Variants in ABCB5 observed in about 807,000 individuals in gnomAD.
The protein encoded by ABCB5 is ATP-binding cassette sub-family B member 5.
ABCB5 carries 155 observed loss-of-function variants against 144.2 expected under a neutral mutation model. That is an observed-to-expected ratio of 1.08 (90% CI 0.94 to 1.23). The LOEUF (loss-of-function observed/expected upper bound fraction) is 1.23. Ranked by LOEUF, ABCB5 falls within the 50% of genes most tolerant of loss-of-function variation. The probability of loss-of-function intolerance (pLI) is 0.00; values close to 1 mark genes in which losing one functional copy is unlikely to be tolerated. For missense variants in ABCB5, 1,830 were observed against 1,520.8 expected, an observed-to-expected ratio of 1.20 and a Z score of -3.38; for synonymous variants, 610 against 528.6, an observed-to-expected ratio of 1.15 and a Z score of -2.11.
At chr7:20,680,333 T>A (rs1310470510) in intron 14 of ABCB5, among the ~76,000 whole-genome samples, 1 of 151,818 alleles carries the variant, frequency 6.6e-6, no homozygotes. Context: ...CCGAGGCGGG[T>A]GCATCACAAG....
At chr7:20,647,766 G>C (rs745468873) in intron 10 of ABCB5, 118 bp downstream of exon 10, 2 of 1,442,460 alleles carry the variant, frequency 1.4e-6, no homozygotes, top group Admixed American at 2.6e-5. Context: ...TTGGCCAGTT[G>C]TTTATGGGAA....
intron 9 of ABCB5, 36 bp from the exon 10 acceptor site, chr7:20,647,499 G>T (rs757459013): frequency 1.6e-5 from 25 of 1,517,068 alleles, no homozygotes; most frequent in Non-Finnish European, 2.1e-5. Flanking sequence ...TTATATAACT[G>T]CAGAAAGATA....
chr7:20,708,838 A>C (rs544995732), intron 20 of ABCB5, among the ~76,000 whole-genome samples: 6 of 152,246 alleles, frequency 3.9e-5, no homozygotes, highest in Non-Finnish European at 8.8e-5. Context: ...AAATATTTTA[A>C]CCATCAGTTG....
At position 20,711,858 on chromosome 7, in the gene ABCB5, T is replaced by C. The variant is rs866156357; in HGVS notation, c.2421+7051T>C. Reference sequence around the variant, plus strand: ...TTTCTTTCTTTCTTTTCTTTCTTTCTTTCCTTCCTCCCTCCCTCCCTCCCT... The same window carrying C: ...TTTCTTTCTTTCTTTTCTTTCTTTCCTTCCTTCCTCCCTCCCTCCCTCCCT... On this transcript the variant is annotated intron_variant, in intron 20 of 27. Coordinates refer to ENST00000404938, the MANE Select transcript of ABCB5 (RefSeq NM_001163941.2). Among the ~76,000 whole-genome samples, 495 of 72,830 alleles carry C rather than the reference T, an allele frequency of 6.8e-3. 66 individuals are homozygous for C. Among genetic ancestry groups the C allele is most frequent in the Middle Eastern group, 0.019 (3 of 154 alleles). The allele number at this position is 72,830 out of a possible 152,430, so 47.8% of individuals were successfully genotyped here. A position where few individuals can be genotyped will look rare whatever the true frequency, so the allele number is the denominator to read the frequency against.
At chr7:20,647,871 T>C in intron 10 of ABCB5, 97 bp from the exon 11 acceptor site, 1 of 1,090,758 alleles carries the variant, frequency 9.2e-7, no homozygotes, top group Non-Finnish European at 1.3e-6. Context: ...GAAAGGAAAC[T>C]GTCATGGAAG....
At chr7:20,668,713 G>C (rs1277043283) in intron 14 of ABCB5, among the ~76,000 whole-genome samples, 2 of 144,382 alleles carry the variant, frequency 1.4e-5, no homozygotes, top group African/African-American at 5.3e-5. Flanking sequence ...CCCCGTCCAG[G>C]AGGGAGGTGG....
chr7:20,728,465 G>C lies in ABCB5; in HGVS notation c.2867+10G>C. 4.3e-6 allele frequency: 7 copies of C among 1,613,558 alleles called. No individual in the cohort carries two copies. Among genetic ancestry groups the C allele is most frequent in the Non-Finnish European group, 5.9e-6 (7 of 1,179,684 alleles). On this transcript the variant is annotated intron_variant, in intron 23 of 27. Transcript: ENST00000404938. ...CAGAGGGCATGTTCATGTAAGTCGTGGAAATAGTCCGGACCTGGTAGCTCA... is the reference window on the plus strand; with the variant it reads ...CAGAGGGCATGTTCATGTAAGTCGTCGAAATAGTCCGGACCTGGTAGCTCA...
chr7:20,748,650 CAAAAAAAAAAA>C (rs71020682), intron 26 of ABCB5, among the ~76,000 whole-genome samples: 6 of 59,076 alleles, frequency 1.0e-4, no homozygotes, highest in South Asian at 1.1e-3. Flanking sequence ...GACTCCATCT[CAAAAAAAAAAA>C]AAAAAAAAAA....
intron 4 of ABCB5, among the ~76,000 whole-genome samples, chr7:20,630,947 T>C (rs1784024367): frequency 6.6e-6 from 1 of 152,196 alleles, no homozygotes; most frequent in South Asian, 2.1e-4. Flanking sequence ...AATTCATGGA[T>C]ATTACTGGTA....
chr7:20,668,795 C>A (rs1421150084), intron 14 of ABCB5, among the ~76,000 whole-genome samples: 3 of 132,736 alleles, frequency 2.3e-5, no homozygotes, highest in Non-Finnish European at 4.8e-5. Context: ...GCCGCCCCTA[C>A]TGGGAAGTGA....
chr7:20,688,515 C>T (rs1027257470), intron 16 of ABCB5, among the ~76,000 whole-genome samples: 9 of 152,236 alleles, frequency 5.9e-5, no homozygotes, highest in Non-Finnish European at 7.4e-5. Flanking sequence ...TTTTACACTG[C>T]TGGTGGGACT....
Position 20,658,676 on chromosome 7 carries a change from G to A in ABCB5, c.1707G>A (p.Lys569=). Residue 569 remains lysine (K), a splice_region_variant and synonymous_variant, in exon 14 of 28, where the codon AAG becomes AAA. Coordinates refer to ENST00000404938, the MANE Select transcript of ABCB5 (RefSeq NM_001163941.2). ...CAGCTGTTCAAGCTGCACTGGAGAA[G>A]GTAAGTGAGCAGAAACGTTTCTTAT... ...SKSAVQAALE[K]ASKGRTTIVV... 1.2e-6 allele frequency: 2 copies of A among 1,613,290 alleles called. No homozygotes were observed. Among genetic ancestry groups the A allele is most frequent in the Middle Eastern group, 1.7e-4 (1 of 6,056 alleles).
Position 20,643,542 on chromosome 7 carries a change from G to A in ABCB5, c.588G>A (p.Leu196=). The part of the protein sequence containing the change: ...FQNMSTFSIG[L]AVGLVKGWKL... Reference sequence around the variant, plus strand: ...ACATGTCTACTTTTTCGATTGGCCTGGCAGTTGGTTTGGTGAAGGGCTGGA... The same window carrying A: ...ACATGTCTACTTTTTCGATTGGCCTAGCAGTTGGTTTGGTGAAGGGCTGGA... The change falls in exon 7 of 28, where the codon CTG becomes CTA. Residue 196 remains leucine, a synonymous_variant. Transcript: ENST00000404938. 5 of 1,613,976 alleles carry A rather than the reference G, an allele frequency of 3.1e-6. No homozygotes were observed. The highest frequency in any genetic ancestry group is 4.2e-6 in the Non-Finnish European group (5 of 1,179,874).
At chr7:20,631,199 A>C (rs977553380) in intron 4 of ABCB5, among the ~76,000 whole-genome samples, 1 of 152,156 alleles carries the variant, frequency 6.6e-6, no homozygotes, top group African/African-American at 2.4e-5. Flanking sequence ...TGCAGGAACC[A>C]TTTTTAGAAA....
At chr7:20,657,881 A>T (rs1784861644) in intron 13 of ABCB5, among the ~76,000 whole-genome samples, 1 of 152,224 alleles carries the variant, frequency 6.6e-6, no homozygotes, top group South Asian at 2.1e-4. Flanking sequence ...TGAATCAGGG[A>T]CGTAACCCAG....
intron 13 of ABCB5, among the ~76,000 whole-genome samples, chr7:20,652,363 T>C (rs1784624027): frequency 6.6e-6 from 1 of 152,036 alleles, no homozygotes; most frequent in Admixed American, 6.6e-5. Context: ...AGGTTAGGAG[T>C]TTGAGACCAG....
chr7:20,682,888 C>T (rs1448423115), intron 15 of ABCB5, among the ~76,000 whole-genome samples: 1 of 152,152 alleles, frequency 6.6e-6, no homozygotes, highest in Non-Finnish European at 1.5e-5. Context: ...TGGATCCACC[C>T]TACTGGATTT....
intron 26 of ABCB5, among the ~76,000 whole-genome samples, chr7:20,751,591 G>A (rs186320694): frequency 6.6e-6 from 1 of 152,296 alleles, no homozygotes; most frequent in African/African-American, 2.4e-5. Flanking sequence ...TCCTAGTTTT[G>A]TATGTTCTTC....
At position 20,755,465 on chromosome 7, in the gene ABCB5, G is replaced by A; in HGVS notation, c.3615G>A (p.Arg1205=). Residue 1205 remains arginine (R), a synonymous_variant, in exon 28 of 28, where the codon AGG becomes AGA. Transcript: ENST00000404938. Reference sequence around the variant, plus strand: ...CCCTTGATAAAGCCAGGACGGGAAGGACATGCCTAGTGGTCACTCACAGGC... The same window carrying A: ...CCCTTGATAAAGCCAGGACGGGAAGAACATGCCTAGTGGTCACTCACAGGC... ...QHALDKARTG[R]TCLVVTHRLS... 6.2e-7 allele frequency: 1 copy of A among 1,614,172 alleles called. No individual in the cohort carries two copies. Among genetic ancestry groups the A allele is most frequent in the Non-Finnish European group, 8.5e-7 (1 of 1,180,040 alleles).
Sources: gnomAD v4.1 joint callset for allele counts (sites outside exome capture counted in the v4.1 genomes callset) on GRCh38, gnomAD v4.1.1 for gene constraint, MANE v1.5 for transcripts, NCBI Gene and HGNC (gene_info 2026-07-23, HGNC 2026-07-21) for gene names.